CSGALNACT1: variants seen among roughly 807,000 people sequenced by gnomAD.
CSGALNACT1 encodes beta4GalNAcT-1.
In CSGALNACT1, 52 loss-of-function variants were observed where a neutral mutation model predicts 51.0. The ratio of observed to expected loss-of-function variants is 1.02; its 90% CI spans 0.82 to 1.29. CSGALNACT1 has a LOEUF of 1.29. Ranked by LOEUF, CSGALNACT1 falls within the 50% of genes most tolerant of loss-of-function variation. The pLI, the probability that CSGALNACT1 is intolerant of heterozygous loss-of-function variation, is 0.00. For synonymous variants in CSGALNACT1, 341 were observed against 254.4 expected, an observed-to-expected ratio of 1.34 and a Z score of -3.24; for missense variants, 935 against 679.2, an observed-to-expected ratio of 1.38 and a Z score of -4.19.
At chr8:19,637,839 GTT>G (rs11461273) in intron 1 of CSGALNACT1, among the ~76,000 whole-genome samples, 6 of 143,824 alleles carry the variant, frequency 4.2e-5, no homozygotes, top group East Asian at 2.0e-4. Context: ...AGCCTGACCA[GTT>G]TTTTTTTTTT....
chr8:19,703,789 C>T (rs917858547), intron 1 of CSGALNACT1, among the ~76,000 whole-genome samples: 6 of 152,210 alleles, frequency 3.9e-5, no homozygotes, highest in African/African-American at 1.4e-4. Flanking sequence ...ACATATTCTA[C>T]ACCAAGTAAT....
At position 19,707,638 on chromosome 8, in the gene CSGALNACT1, G is replaced by C. The variant is rs1296473906; in HGVS notation, c.-297+50212C>G. On this transcript the variant is annotated intron_variant, in intron 1 of 1. Coordinates refer to the CSGALNACT1 transcript ENST00000517494. Reference sequence around the variant, plus strand: ...CCCTCTACAAGAGCTACACGCAATGGAAGACTAGATAAACAGTATATGTTT... The same window carrying C: ...CCCTCTACAAGAGCTACACGCAATGCAAGACTAGATAAACAGTATATGTTT... Among the ~76,000 whole-genome samples the C allele has an allele frequency of 1.0e-4, 9 of 87,710 alleles. No homozygotes were observed. In the South Asian group the frequency reaches 3.6e-3, roughly 35 times the overall value. 57.5% of individuals were successfully genotyped at this position (87,710 alleles called of 152,430 possible). A position where few individuals can be genotyped will look rare whatever the true frequency, so the allele number is the denominator to read the frequency against.
intron 3 of CSGALNACT1, among the ~76,000 whole-genome samples, chr8:19,579,882 G>A (rs780056457): frequency 2.0e-5 from 3 of 152,096 alleles, no homozygotes; most frequent in South Asian, 2.1e-4. Context: ...TAAGTCTCCC[G>A]CTGAGAACAA....
chr8:19,521,956 T>C (rs2080815507), intron 3 of CSGALNACT1, among the ~76,000 whole-genome samples: 1 of 152,232 alleles, frequency 6.6e-6, no homozygotes. Context: ...CGTTGTAAGT[T>C]GCTTCCACAT....
exon 10 of CSGALNACT1, chr8:19,404,243 AC>A (rs1419434740): frequency 2.4e-6 from 1 of 421,688 alleles, no homozygotes; most frequent in South Asian, 1.7e-5. Context: ...TTCATAAACT[AC>A]CAGTACAAAT....
intron 1 of CSGALNACT1, among the ~76,000 whole-genome samples, chr8:19,690,024 G>A (rs191462900): frequency 6.6e-6 from 1 of 152,234 alleles, no homozygotes; most frequent in Non-Finnish European, 1.5e-5. Context: ...AAGCCAATTT[G>A]AGTTTCAAAC....
At chr8:19,504,853 G>A (rs528270993) in intron 4 of CSGALNACT1, among the ~76,000 whole-genome samples, 83 of 152,272 alleles carry the variant, frequency 5.5e-4, no homozygotes, top group African/African-American at 1.9e-3. Flanking sequence ...CTGTTCATGA[G>A]CTTGCTAACC....
At chr8:19,430,783 C>A (rs1585821131) in intron 6 of CSGALNACT1, among the ~76,000 whole-genome samples, 1 of 152,116 alleles carries the variant, frequency 6.6e-6, no homozygotes, top group Non-Finnish European at 1.5e-5. Context: ...GATCGACTGA[C>A]TGAGTACTGT....
At chr8:19,694,417 C>A (rs1183100674) in intron 1 of CSGALNACT1, among the ~76,000 whole-genome samples, 1 of 152,208 alleles carries the variant, frequency 6.6e-6, no homozygotes, top group Non-Finnish European at 1.5e-5. Context: ...TAACAACCAA[C>A]CTTAGAAAGC....
chr8:19,543,628 G>A (rs2085767266), intron 3 of CSGALNACT1, among the ~76,000 whole-genome samples: 1 of 152,168 alleles, frequency 6.6e-6, no homozygotes, highest in African/African-American at 2.4e-5. Flanking sequence ...CTGCATACAT[G>A]TGGCTGCATG....
chr8:19,445,255 CAA>C (rs1563432111), intron 5 of CSGALNACT1, among the ~76,000 whole-genome samples: 58 of 152,192 alleles, frequency 3.8e-4, no homozygotes, highest in African/African-American at 9.7e-5. Flanking sequence ...CGGTAGAATA[CAA>C]GCACACACAC....
chr8:19,560,946 A>C (rs2040566429), intron 3 of CSGALNACT1, among the ~76,000 whole-genome samples: 1 of 152,218 alleles, frequency 6.6e-6, no homozygotes, highest in African/African-American at 2.4e-5. Flanking sequence ...ATACTTCACT[A>C]TACAGCAGCA....
chr8:19,483,932 T>C (rs1238061448), intron 4 of CSGALNACT1, among the ~76,000 whole-genome samples: 1 of 152,182 alleles, frequency 6.6e-6, no homozygotes, highest in African/African-American at 2.4e-5. Context: ...TGGTTTCAGT[T>C]ACCAGCAGTC....
At chr8:19,518,577 T>TC (rs1472485719) in intron 3 of CSGALNACT1, among the ~76,000 whole-genome samples, 1 of 152,192 alleles carries the variant, frequency 6.6e-6, no homozygotes, top group Non-Finnish European at 1.5e-5. Context: ...TCTCTGCCAC[T>TC]CAGTCCTTTT....
chr8:19,549,706 A>C (rs2087466328), intron 3 of CSGALNACT1, among the ~76,000 whole-genome samples: 2 of 142,988 alleles, frequency 1.4e-5, no homozygotes, highest in Non-Finnish European at 3.0e-5. Context: ...CTTCTCCAGA[A>C]ACTTCCCAAG....
chr8:19,486,054 C>G (rs768788769), intron 4 of CSGALNACT1, among the ~76,000 whole-genome samples: 1 of 151,782 alleles, frequency 6.6e-6, no homozygotes, highest in Non-Finnish European at 1.5e-5. Flanking sequence ...GCGTGAGCCA[C>G]CGTACTCAGC....
chr8:19,697,410 C>G (rs987966865), intron 1 of CSGALNACT1, among the ~76,000 whole-genome samples: 1 of 152,110 alleles, frequency 6.6e-6, no homozygotes, highest in African/African-American at 2.4e-5. Flanking sequence ...GGCAGAAGAA[C>G]AGTACGGGGC....
chr8:19,470,598 T>C (rs1218006824), intron 4 of CSGALNACT1, among the ~76,000 whole-genome samples: 2 of 151,966 alleles, frequency 1.3e-5, no homozygotes, highest in African/African-American at 2.4e-5. Context: ...TGTTAACAGG[T>C]AGCTGGGCAT....
At chr8:19,731,851 G>A (rs1048772406) in intron 1 of CSGALNACT1, among the ~76,000 whole-genome samples, 3 of 152,164 alleles carry the variant, frequency 2.0e-5, no homozygotes, top group African/African-American at 7.2e-5. Context: ...CTTTTAAACT[G>A]TTGCCATGGT....
Sources: allele counts gnomAD v4.1 joint callset (sites outside exome capture counted in the v4.1 genomes callset), GRCh38; gene constraint gnomAD v4.1.1; transcripts MANE v1.5; gene names NCBI Gene and HGNC (gene_info 2026-07-23, HGNC 2026-07-21).